Variants in PRELID2 observed in about 807,000 individuals in gnomAD.
PRELID2 encodes PRELI domain-containing protein 2.
A neutral mutation model predicts 28.4 loss-of-function variants in PRELID2; 25 were observed. The observed-to-expected ratio is 0.88, with a 90% CI of 0.64 to 1.23. The LOEUF is 1.23. Among genes scored for constraint, PRELID2 ranks in the 50% most tolerant of loss-of-function variants. The probability of loss-of-function intolerance (pLI) is 0.00; values close to 1 mark genes in which losing one functional copy is unlikely to be tolerated. For synonymous variants in PRELID2, 76 were observed against 71.6 expected, an observed-to-expected ratio of 1.06 and a Z score of -0.31; for missense variants, 201 against 214.4, an observed-to-expected ratio of 0.94 and a Z score of 0.39.
intron 1 of PRELID2, among the ~76,000 whole-genome samples, chr5:145,658,807 A>G (rs150884853): frequency 6.6e-6 from 1 of 152,336 alleles, no homozygotes; most frequent in South Asian, 2.1e-4. Context: ...CACAATGCAA[A>G]CTAACACAAC....
chr5:145,393,639 C>T, the PRELID2 span, among the ~76,000 whole-genome samples: 1 of 152,172 alleles, frequency 6.6e-6, no homozygotes, highest in Non-Finnish European at 1.5e-5. Flanking sequence ...AGTTAGCTGC[C>T]TGTAATTGAC....
chr5:145,752,004 G>T (rs981070506), downstream of PRELID2, among the ~76,000 whole-genome samples: 2 of 152,118 alleles, frequency 1.3e-5, no homozygotes, highest in South Asian at 4.2e-4. Flanking sequence ...AGTTTTTGTC[G>T]GTCTATGCTG....
At chr5:145,583,471 T>C (rs1261044321) in intron 1 of PRELID2, among the ~76,000 whole-genome samples, 3 of 152,112 alleles carry the variant, frequency 2.0e-5, no homozygotes, top group Non-Finnish European at 4.4e-5. Context: ...AAATAAAGCA[T>C]ATTCAAATAG....
Position 145,820,023 on chromosome 5 carries a change from A to G in PRELID2, c.134-5T>C. 1 of 1,563,074 alleles carries G rather than the reference A, an allele frequency of 6.4e-7. No individual in the cohort carries two copies. Among genetic ancestry groups the G allele is most frequent in the Non-Finnish European group, 8.7e-7 (1 of 1,148,238 alleles). ...AGATGACCCCTGTTGATTCATCTAA[A>G]AAAGAAATTTTTTTACACAAAAAAA... On this transcript the variant is annotated splice_region_variant and splice_polypyrimidine_tract_variant and intron_variant, in intron 2 of 6. Coordinates refer to ENST00000683046, the MANE Select transcript of PRELID2 (RefSeq NM_205846.3).
the PRELID2 span, among the ~76,000 whole-genome samples, chr5:145,320,706 G>A: frequency 6.6e-6 from 1 of 152,130 alleles, no homozygotes; most frequent in Non-Finnish European, 1.5e-5. Flanking sequence ...TAGAAAACAA[G>A]GAGATATTAT....
chr5:145,490,972 T>C (rs994908216), intron 1 of PRELID2, among the ~76,000 whole-genome samples: 1 of 151,708 alleles, frequency 6.6e-6, no homozygotes, highest in African/African-American at 2.4e-5. Context: ...GCATGAGATT[T>C]TTCTGCTCCT....
chr5:145,807,443 C>T (rs1222475497), intron 4 of PRELID2, among the ~76,000 whole-genome samples: 2 of 152,162 alleles, frequency 1.3e-5, no homozygotes, highest in Non-Finnish European at 2.9e-5. Context: ...TACATTTATT[C>T]GGTGCTTCAT....
At chr5:145,808,098 A>G (rs1306427725) in intron 4 of PRELID2, among the ~76,000 whole-genome samples, 1 of 152,156 alleles carries the variant, frequency 6.6e-6, no homozygotes, top group Non-Finnish European at 1.5e-5. Flanking sequence ...CCACTGGTGC[A>G]CTGGAAATCA....
chr5:145,425,772 G>C, the PRELID2 span, among the ~76,000 whole-genome samples: 1 of 151,998 alleles, frequency 6.6e-6, no homozygotes, highest in African/African-American at 2.4e-5. Flanking sequence ...TTCTGGGGCG[G>C]GAATGACGAT....
chr5:145,502,528 T>C (rs895967305), intron 1 of PRELID2, among the ~76,000 whole-genome samples: 2 of 152,142 alleles, frequency 1.3e-5, no homozygotes, highest in Non-Finnish European at 2.9e-5. Flanking sequence ...GATGGCCAGG[T>C]TAATAAATTT....
the PRELID2 span, among the ~76,000 whole-genome samples, chr5:145,399,447 C>T: frequency 5.9e-5 from 9 of 152,218 alleles, no homozygotes; most frequent in Non-Finnish European, 1.0e-4. Context: ...AAATTATATG[C>T]TCTTCTTCTT....
chr5:145,590,488 T>C (rs1753212722), intron 1 of PRELID2, among the ~76,000 whole-genome samples: 1 of 152,192 alleles, frequency 6.6e-6, no homozygotes, highest in African/African-American at 2.4e-5. Flanking sequence ...ACCTTGACTG[T>C]CTTGTTCAGC....
intron 1 of PRELID2, among the ~76,000 whole-genome samples, chr5:145,699,730 T>C (rs1172721999): frequency 6.6e-6 from 1 of 152,200 alleles, no homozygotes; most frequent in Non-Finnish European, 1.5e-5. Flanking sequence ...AAACTAAGCG[T>C]GGCCCCAGAC....
chr5:145,402,031 T>C, the PRELID2 span, among the ~76,000 whole-genome samples: 1 of 152,210 alleles, frequency 6.6e-6, no homozygotes, highest in African/African-American at 2.4e-5. Context: ...TGTTTAGTTA[T>C]CTGCTTCTTC....
chr5:145,601,606 GA>G (rs1446473165), intron 1 of PRELID2, among the ~76,000 whole-genome samples: 1 of 152,164 alleles, frequency 6.6e-6, no homozygotes, highest in African/African-American at 2.4e-5. Context: ...GAGTTAATAA[GA>G]GAGTGAGAAA....
At chr5:145,811,826 C>T (rs924101522) in intron 4 of PRELID2, among the ~76,000 whole-genome samples, 1 of 152,160 alleles carries the variant, frequency 6.6e-6, no homozygotes, top group African/African-American at 2.4e-5. Flanking sequence ...ACAGAAATAT[C>T]CCTGTAATCA....
chr5:145,465,963 A>G, the PRELID2 span, among the ~76,000 whole-genome samples: 9 of 152,144 alleles, frequency 5.9e-5, no homozygotes, highest in Non-Finnish European at 1.3e-4. Flanking sequence ...CAATCTGACC[A>G]TCATGAATTC....
the PRELID2 span, among the ~76,000 whole-genome samples, chr5:145,336,779 G>A: frequency 4.0e-5 from 6 of 151,866 alleles, no homozygotes; most frequent in Non-Finnish European, 8.8e-5. Flanking sequence ...ATACCATGCA[G>A]CCATAAAAAA....
the PRELID2 span, among the ~76,000 whole-genome samples, chr5:145,438,198 C>T: frequency 5.8e-4 from 89 of 152,164 alleles, no homozygotes; most frequent in East Asian, 0.013. Context: ...AGGACAGAGA[C>T]ACTATTTTCT....
Sources: gnomAD v4.1 joint callset for allele counts (sites outside exome capture counted in the v4.1 genomes callset) on GRCh38, gnomAD v4.1.1 for gene constraint, MANE v1.5 for transcripts, NCBI Gene and HGNC (gene_info 2026-07-23, HGNC 2026-07-21) for gene names.